Variants in CSMD1 observed in about 807,000 individuals in gnomAD.
The protein encoded by CSMD1 is CUB and sushi domain-containing protein 1.
Under a neutral mutation model 417.5 loss-of-function variants are expected in CSMD1, and 213 were observed. That is an observed-to-expected ratio of 0.51 (90% confidence interval 0.46 to 0.57). CSMD1 has a LOEUF of 0.57. Ranked by LOEUF, CSMD1 falls within the 20% of genes least tolerant of loss-of-function variation. The probability of loss-of-function intolerance (pLI) is 0.00; values close to 1 mark genes in which losing one functional copy is unlikely to be tolerated. For missense variants in CSMD1, 6,923 were observed against 4,529.7 expected, an observed-to-expected ratio of 1.53 and a Z score of -15.17; for synonymous variants, 2,862 against 1,736.8, an observed-to-expected ratio of 1.65 and a Z score of -16.11.
rs558557579 is a variant in CSMD1, at chr8:4,438,475, C to A, written c.303-18410G>T. 3.3e-5 allele frequency among the ~76,000 whole-genome samples: 5 copies of A among 152,204 alleles called. No individual in the cohort carries two copies. The East Asian group carries it at 5.8e-4, about 18-fold the overall frequency. On this transcript the variant is annotated intron_variant, in intron 2 of 69. Coordinates refer to ENST00000635120, the MANE Select transcript of CSMD1 (RefSeq NM_033225.6). ...ACTGGGACATGTGGCAATGGACCAA[C>A]GCTTGGGTTCCACAGCACCTGGCTG...
At chr8:4,567,359 G>C (rs1206866426) in intron 2 of CSMD1, among the ~76,000 whole-genome samples, 1 of 152,148 alleles carries the variant, frequency 6.6e-6, no homozygotes, top group Non-Finnish European at 1.5e-5. Context: ...CATGCACTTG[G>C]AAGAGACCTC....
chr8:4,016,822 G>C (rs536140141), intron 4 of CSMD1, among the ~76,000 whole-genome samples: 10 of 152,310 alleles, frequency 6.6e-5, no homozygotes, highest in South Asian at 2.1e-4. Flanking sequence ...ACATCCATGA[G>C]GTTGTTGGAA....
intron 1 of CSMD1, among the ~76,000 whole-genome samples, chr8:4,968,826 C>G (rs1425333493): frequency 6.6e-6 from 1 of 152,050 alleles, no homozygotes; most frequent in Non-Finnish European, 1.5e-5. Flanking sequence ...TGCCATTTCC[C>G]AACCAGAAGA....
At chr8:4,781,650 A>T (rs757147706) in intron 1 of CSMD1, among the ~76,000 whole-genome samples, 1 of 152,198 alleles carries the variant, frequency 6.6e-6, no homozygotes, top group Admixed American at 6.5e-5. Context: ...AATGTCCTCA[A>T]TGTATTCAAC....
chr8:3,522,813 C>A (rs531601357), intron 10 of CSMD1, among the ~76,000 whole-genome samples: 1 of 150,882 alleles, frequency 6.6e-6, no homozygotes, highest in Non-Finnish European at 1.5e-5. Flanking sequence ...TATTAAATTA[C>A]GTATTTTATT....
intron 3 of CSMD1, among the ~76,000 whole-genome samples, chr8:4,151,071 G>A (rs1009563420): frequency 6.6e-5 from 10 of 152,140 alleles, no homozygotes; most frequent in South Asian, 4.1e-4. Context: ...CTAAGTTTAC[G>A]GGTGGTGCCA....
chr8:4,660,725 T>C (rs1021720160), intron 1 of CSMD1, among the ~76,000 whole-genome samples: 6 of 151,994 alleles, frequency 3.9e-5, no homozygotes, highest in Non-Finnish European at 7.4e-5. Flanking sequence ...AAATCACATA[T>C]TTGACAAAGG....
At chr8:3,824,209 G>C (rs1022884062) in intron 5 of CSMD1, among the ~76,000 whole-genome samples, 1 of 151,472 alleles carries the variant, frequency 6.6e-6, no homozygotes, top group Non-Finnish European at 1.5e-5. Flanking sequence ...TCCTGACAGA[G>C]TTGTTGATTT....
In CSMD1 at chr8:4,202,936, T is replaced by G. The variant is rs554232658; in HGVS notation, c.416-170837A>C. On this transcript the variant is annotated intron_variant, in intron 3 of 69. Coordinates refer to ENST00000635120, the MANE Select transcript of CSMD1 (RefSeq NM_033225.6). ...CCTGGAGTGAGGAGAGATGTTGGCC[T>G]TATCTCTTTTTGCAGTTGTGGGAGG... is the stretch of plus-strand genomic sequence containing the variant. Among the ~76,000 whole-genome samples the G allele has an allele frequency of 4.1e-4, 62 of 152,246 alleles. 1 individual carries two copies. Among genetic ancestry groups the G allele is most frequent in the African/African-American group, 1.4e-3 (59 of 41,552 alleles).
intron 1 of CSMD1, among the ~76,000 whole-genome samples, chr8:4,742,790 C>A (rs1196688679): frequency 6.6e-6 from 1 of 151,826 alleles, no homozygotes; most frequent in Non-Finnish European, 1.5e-5. Flanking sequence ...GCTAAAAGCC[C>A]AATTATATAA....
At chr8:4,192,301 A>G (rs1018540363) in intron 3 of CSMD1, among the ~76,000 whole-genome samples, 6 of 152,364 alleles carry the variant, frequency 3.9e-5, no homozygotes, top group Admixed American at 3.9e-4. Context: ...TTCATAAAGT[A>G]TGCAATTACA....
At chr8:3,508,853 A>C (rs1468725477) in intron 10 of CSMD1, among the ~76,000 whole-genome samples, 6 of 152,226 alleles carry the variant, frequency 3.9e-5, no homozygotes, top group African/African-American at 1.2e-4. Flanking sequence ...CTACACTGGG[A>C]AACGGTGACA....
At chr8:4,649,025 C>T (rs952412607) in intron 1 of CSMD1, among the ~76,000 whole-genome samples, 8 of 152,314 alleles carry the variant, frequency 5.3e-5, no homozygotes, top group South Asian at 2.1e-4. Context: ...TATATATTCT[C>T]TTTGGCCGAG....
rs144965916 is a variant in CSMD1 at position 4,643,777 on chromosome 8, T to C, written c.86-6219A>G. Among the ~76,000 whole-genome samples, 471 of 152,288 alleles carry C rather than the reference T, an allele frequency of 3.1e-3. 2 individuals are homozygous for C. The highest frequency in any genetic ancestry group is 0.011 in the African/African-American group (447 of 41,560). ...TTCAGGGGTTATTCCAGGGTCTGCA[T>C]TATGGGGAAAATAATTAATTGTGGA... On this transcript the variant is annotated intron_variant, in intron 1 of 69. Transcript: ENST00000635120.
At chr8:4,178,167 T>C (rs1467511278) in intron 3 of CSMD1, among the ~76,000 whole-genome samples, 1 of 152,206 alleles carries the variant, frequency 6.6e-6, no homozygotes, top group Non-Finnish European at 1.5e-5. Context: ...TGCAGATTGA[T>C]GCAGAAACCC....
intron 3 of CSMD1, among the ~76,000 whole-genome samples, chr8:4,233,287 C>T (rs986074696): frequency 6.6e-6 from 1 of 152,194 alleles, no homozygotes; most frequent in East Asian, 1.9e-4. Flanking sequence ...TGCCCACTCT[C>T]CGCCAGCCAC....
intron 2 of CSMD1, among the ~76,000 whole-genome samples, chr8:4,580,745 C>A (rs1423014436): frequency 6.6e-6 from 1 of 152,204 alleles, no homozygotes; most frequent in Non-Finnish European, 1.5e-5. Context: ...AAATCAATCT[C>A]TCTCCCTTTG....
chr8:4,869,159 C>T (rs1802586765), intron 1 of CSMD1, among the ~76,000 whole-genome samples: 1 of 151,964 alleles, frequency 6.6e-6, no homozygotes, highest in East Asian at 1.9e-4. Flanking sequence ...ATAAATCTAT[C>T]TAGTAATAAA....
At chr8:4,721,363 T>C (rs181665816) in intron 1 of CSMD1, among the ~76,000 whole-genome samples, 1 of 152,276 alleles carries the variant, frequency 6.6e-6, no homozygotes, top group East Asian at 1.9e-4. Flanking sequence ...TGCCTAGTGA[T>C]AGACAAGTAT....
Sources: gnomAD v4.1 joint callset for allele counts (sites outside exome capture counted in the v4.1 genomes callset) on GRCh38, gnomAD v4.1.1 for gene constraint, MANE v1.5 for transcripts, NCBI Gene and HGNC (gene_info 2026-07-23, HGNC 2026-07-21) for gene names.